The following FRAS1 variants were observed in gnomAD, a reference collection of about 807,000 sequenced individuals.
FRAS1 encodes extracellular matrix organizing protein FRAS1.
Under a neutral mutation model 435.2 loss-of-function variants are expected in FRAS1, and 290 were observed. The observed-to-expected ratio is 0.67, with a 90% CI of 0.61 to 0.73. The LOEUF (loss-of-function observed/expected upper bound fraction) is 0.73, where lower values mean the gene tolerates loss of function less well. Ranked by LOEUF, FRAS1 falls within the 30% of genes least tolerant of loss-of-function variation. FRAS1 has a pLI of 0.00. For missense variants in FRAS1, 4,860 were observed against 5,001.5 expected (o/e 0.97, Z 0.85); for synonymous variants, 1,800 against 1,851.0 (o/e 0.97, Z 0.71).
intron 61 of FRAS1, among the ~76,000 whole-genome samples, chr4:78,504,049 G>A (rs112319718): frequency 0.14 from 21,955 of 152,198 alleles, 1,903 homozygotes; most frequent in Non-Finnish European, 0.21. Flanking sequence ...TTAATCCCGA[G>A]TGTTAATTTG....
chr4:78,237,392 C>T, intron 2 of FRAS1, 118 bp from the exon 3 acceptor site: 2 of 659,662 alleles, frequency 3.0e-6, no homozygotes, highest in South Asian at 1.9e-5. Flanking sequence ...GTGTGGTGTG[C>T]CTGTGACTTT....
At chr4:78,385,158 C>T (rs17460388) in intron 28 of FRAS1, among the ~76,000 whole-genome samples, 36,665 of 151,928 alleles carry the variant, frequency 0.24, 4,816 homozygotes, top group Admixed American at 0.31. Flanking sequence ...GTTGTACTTA[C>T]GGGTCCAGAA....
At chr4:78,236,730 G>A (rs1724779722) in intron 2 of FRAS1, among the ~76,000 whole-genome samples, 1 of 152,218 alleles carries the variant, frequency 6.6e-6, no homozygotes, top group South Asian at 2.1e-4. Context: ...GAGGAAAGGT[G>A]AGAAATAGGG....
chr4:78,344,546 G>A (rs1730529789), intron 20 of FRAS1, among the ~76,000 whole-genome samples: 4 of 140,834 alleles, frequency 2.8e-5, no homozygotes, highest in Non-Finnish European at 6.0e-5. Context: ...ACTCCATGAT[G>A]CAAGTACAAT....
intron 66 of FRAS1, among the ~76,000 whole-genome samples, chr4:78,517,774 T>C (rs890111316): frequency 3.9e-5 from 6 of 152,030 alleles, no homozygotes; most frequent in African/African-American, 1.4e-4. Context: ...TAGTGAGTAA[T>C]ATCATGAGGG....
intron 14 of FRAS1, among the ~76,000 whole-genome samples, chr4:78,295,605 T>A (rs17003107): frequency 0.032 from 4,821 of 152,270 alleles, 262 homozygotes; most frequent in African/African-American, 0.11. Context: ...CATCTGCCTG[T>A]CTATTCCTTT....
chr4:78,329,199 A>C (rs1423725355), intron 18 of FRAS1, among the ~76,000 whole-genome samples: 3 of 152,208 alleles, frequency 2.0e-5, no homozygotes, highest in African/African-American at 7.2e-5. Context: ...AATTTGGACA[A>C]ATAACCAAAT....
chr4:78,356,376 A>G (rs946412671), intron 20 of FRAS1, among the ~76,000 whole-genome samples: 1 of 152,014 alleles, frequency 6.6e-6, no homozygotes, highest in Admixed American at 6.6e-5. Context: ...TGTGGGAGCT[A>G]CCTACTCGGT....
intron 9 of FRAS1, among the ~76,000 whole-genome samples, chr4:78,273,762 G>C (rs1467728329): frequency 1.3e-5 from 2 of 152,262 alleles, no homozygotes; most frequent in African/African-American, 2.4e-5. Flanking sequence ...CATGGATATT[G>C]GTCTAAAATT....
intron 73 of FRAS1, 62 bp downstream of exon 73, chr4:78,539,502 A>T: frequency 7.1e-7 from 1 of 1,400,448 alleles, no homozygotes; most frequent in Non-Finnish European, 9.7e-7. Flanking sequence ...TGAAAAAAAA[A>T]AAAAAAAGAA....
At chr4:78,344,571 C>T (rs187647034) in intron 20 of FRAS1, among the ~76,000 whole-genome samples, 5 of 147,172 alleles carry the variant, frequency 3.4e-5, no homozygotes, top group South Asian at 2.1e-4. Flanking sequence ...TGCACACAAT[C>T]GGGGCTCAAG....
chr4:78,092,483 G>C (rs1741583779), intron 2 of FRAS1, among the ~76,000 whole-genome samples: 1 of 152,148 alleles, frequency 6.6e-6, no homozygotes, highest in Non-Finnish European at 1.5e-5. Context: ...AGAAACTCCT[G>C]TTTTTAAAAC....
At chr4:78,227,342 C>A (rs932250175) in intron 2 of FRAS1, among the ~76,000 whole-genome samples, 7 of 152,140 alleles carry the variant, frequency 4.6e-5, no homozygotes, top group African/African-American at 1.2e-4. Flanking sequence ...GAATTTAGGA[C>A]CCCTATTCAT....
chr4:78,337,697 T>C lies in FRAS1; in HGVS notation c.2302T>C (p.Cys768Arg), dbSNP rs762500934. ...AGAGTGTCACCCAACCTGCAGGCAG[T>C]GTCATGGGCCGTTGGAGTCTGACTG... ...CTECHPTCRQ[C>R]HGPLESDCIS... Residue 768 changes from cysteine to arginine, a missense_variant, in exon 20 of 74, where the codon TGT (cysteine) becomes CGT (arginine). Coordinates refer to ENST00000512123, the MANE Select transcript of FRAS1 (RefSeq NM_025074.7). 4 of 1,613,256 alleles carry C rather than the reference T, an allele frequency of 2.5e-6. No individual in the cohort carries two copies. Among genetic ancestry groups the C allele is most frequent in the Non-Finnish European group, 3.4e-6 (4 of 1,179,284 alleles).
intron 2 of FRAS1, among the ~76,000 whole-genome samples, chr4:78,165,303 C>T (rs960791833): frequency 6.6e-5 from 10 of 152,146 alleles, no homozygotes; most frequent in Non-Finnish European, 1.3e-4. Context: ...ATGAAAAGGT[C>T]GAACGAATTT....
intron 18 of FRAS1, among the ~76,000 whole-genome samples, chr4:78,319,967 A>G (rs1729433313): frequency 6.6e-6 from 1 of 152,280 alleles, no homozygotes; most frequent in Admixed American, 6.5e-5. Context: ...GTGTTAGAAT[A>G]GGCTGACATG....
intron 2 of FRAS1, among the ~76,000 whole-genome samples, chr4:78,217,757 T>C (rs1002899078): frequency 6.6e-6 from 1 of 150,846 alleles, no homozygotes; most frequent in African/African-American, 2.4e-5. Flanking sequence ...AAACTCCTAT[T>C]CCCTCTAACT....
rs1739536344 is a variant in FRAS1 at position 78,057,741 on chromosome 4, C to T, written c.-269C>T. On this transcript the variant is annotated 5_prime_UTR_variant, in exon 1 of 74. Transcript: ENST00000512123. This position sits in a 1 kb window ranked among gnomAD's most constrained non-coding sequence, Gnocchi z 4.2. ...ACTGTGCTCTGCCTCCTCTTATTCT[C>T]CCAAAGCTCACGTTGGCGTCCTGCC... The T allele has an allele frequency of 1.9e-6, 1 of 537,718 alleles. No homozygotes were observed. The highest frequency in any genetic ancestry group is 3.0e-5 in the East Asian group (1 of 33,774). The allele number at this position is 537,718 out of a possible 1,614,324, so 33.3% of individuals were successfully genotyped here. A position where few individuals can be genotyped will look rare whatever the true frequency, so the allele number is the denominator to read the frequency against.
At chr4:78,477,073 G>A (rs1041788207) in intron 54 of FRAS1, among the ~76,000 whole-genome samples, 8 of 151,104 alleles carry the variant, frequency 5.3e-5, no homozygotes, top group Admixed American at 4.0e-4. Context: ...TCTCTGTTTT[G>A]TACTGGGCTA....
Sources: allele counts gnomAD v4.1 joint callset (sites outside exome capture counted in the v4.1 genomes callset), GRCh38; gene constraint gnomAD v4.1.1; non-coding constraint Gnocchi (gnomAD v3.1); transcripts MANE v1.5; gene names NCBI Gene and HGNC (gene_info 2026-07-23, HGNC 2026-07-21).